DNAH9: variants seen among roughly 807,000 people sequenced by gnomAD.
DNAH9 encodes dynein axonemal heavy chain 9.
In DNAH9, 345 loss-of-function variants were observed where a neutral mutation model predicts 471.6. The ratio of observed to expected loss-of-function variants is 0.73; its 90% CI spans 0.67 to 0.80. The LOEUF (loss-of-function observed/expected upper bound fraction) is 0.80. Among genes scored for constraint, DNAH9 ranks in the 30% least tolerant of loss-of-function variants. DNAH9 has a pLI of 0.00. For missense variants in DNAH9, 5,407 were observed against 5,609.2 expected (o/e 0.96, Z 1.15); for synonymous variants, 2,093 against 2,123.6 (o/e 0.99, Z 0.40).
chr17:11,781,833 AAAAAAAAAAACAAAC>A (rs1411663342), intron 39 of DNAH9, among the ~76,000 whole-genome samples: 6 of 139,242 alleles, frequency 4.3e-5, no homozygotes, highest in African/African-American at 5.7e-5. Flanking sequence ...CTCCATCTTA[AAAAAAAAAAACAAAC>A]AAAAAAAAAA....
intron 66 of DNAH9, among the ~76,000 whole-genome samples, chr17:11,939,961 T>C (rs1383180374): frequency 2.0e-5 from 3 of 152,010 alleles, no homozygotes; most frequent in African/African-American, 7.2e-5. Flanking sequence ...GATAGAGGAA[T>C]AGAGTTATGT....
In DNAH9 at chr17:11,881,464, C is replaced by T. The variant is rs746643137; in HGVS notation, c.10806+51C>T. The T allele has an allele frequency of 3.2e-6, 5 of 1,560,950 alleles. No individual in the cohort carries two copies. The African/African-American group carries it at 6.8e-5, about 21-fold the overall frequency. ...CTGCCACTAGAGCCTGCAGTGTACT[C>T]CACTCTGGGAGAGGTTGCAGAGGGG... On this transcript the variant is annotated intron_variant, in intron 55 of 68. Transcript: ENST00000262442.
intron 1 of DNAH9, among the ~76,000 whole-genome samples, chr17:11,600,869 A>G (rs1339593112): frequency 2.6e-5 from 4 of 152,220 alleles, no homozygotes; most frequent in Non-Finnish European, 5.9e-5. Context: ...TGTAGAGTAC[A>G]ATATTGTCAA....
At chr17:11,751,406 T>A (rs574733586) in intron 32 of DNAH9, among the ~76,000 whole-genome samples, 60 of 152,112 alleles carry the variant, frequency 3.9e-4, no homozygotes, top group African/African-American at 1.4e-3. Flanking sequence ...AATAATACCC[T>A]TTGACCAAGT....
intron 27 of DNAH9, among the ~76,000 whole-genome samples, chr17:11,719,933 G>A (rs972371424): frequency 3.3e-5 from 5 of 152,074 alleles, no homozygotes; most frequent in African/African-American, 9.7e-5. Flanking sequence ...CTGTAGAAGT[G>A]GACATTCCCC....
At chr17:11,674,101 C>G (rs2074014159) in intron 17 of DNAH9, among the ~76,000 whole-genome samples, 1 of 152,194 alleles carries the variant, frequency 6.6e-6, no homozygotes, top group Admixed American at 6.5e-5. Context: ...CACAATGTAT[C>G]TGTCCATTCC....
chr17:11,937,991 T>A lies in DNAH9; in HGVS notation c.12660+469T>A, dbSNP rs551443304. On this transcript the variant is annotated intron_variant, in intron 66 of 68. Transcript: ENST00000262442. The surrounding 1 kb of genome is among the most constrained non-coding windows in gnomAD (Gnocchi z 4.1). ...ATAATGCAAACGCCTTCCCTTCGTG[T>A]GAATGGCTTCTAGTCCGAGAGTCTC... Among the ~76,000 whole-genome samples, 9 of 152,312 alleles carry A rather than the reference T, an allele frequency of 5.9e-5. No homozygotes were observed. Among genetic ancestry groups the A allele is most frequent in the African/African-American group, 2.2e-4 (9 of 41,570 alleles).
At chr17:11,681,046 T>C (rs1411994137) in intron 19 of DNAH9, among the ~76,000 whole-genome samples, 157 bp downstream of exon 19, 1 of 152,204 alleles carries the variant, frequency 6.6e-6, no homozygotes, top group African/African-American at 2.4e-5. Context: ...GTGGTGCTAA[T>C]GTGGACTGAA....
chr17:11,625,167 C>T (rs1171290114), intron 6 of DNAH9, among the ~76,000 whole-genome samples: 1 of 152,140 alleles, frequency 6.6e-6, no homozygotes, highest in Non-Finnish European at 1.5e-5. Flanking sequence ...CCTGCAGCCT[C>T]TTCCCTCCAA....
At chr17:11,644,574 G>T in intron 10 of DNAH9, 57 bp from the exon 11 acceptor site, 1 of 1,318,634 alleles carries the variant, frequency 7.6e-7, no homozygotes, top group Non-Finnish European at 1.1e-6. Flanking sequence ...TTGTTCCTCG[G>T]ATTATTACTT....
chr17:11,832,467 C>G (rs963939407), intron 48 of DNAH9, among the ~76,000 whole-genome samples: 1 of 152,162 alleles, frequency 6.6e-6, no homozygotes, highest in Non-Finnish European at 1.5e-5. Context: ...GCATCTTTGT[C>G]CCTGTAGAAA....
Position 11,864,509 on chromosome 17 carries a change from G to A in DNAH9, c.9934-4625G>A, listed in dbSNP as rs1036728183. On this transcript the variant is annotated intron_variant, in intron 50 of 68. Transcript: ENST00000262442. ...AAAATGTATATTCTGTTGATTTGGG[G>A]TGGAGAGTTCTGTAGATGTCTATTA... Among the ~76,000 whole-genome samples the A allele has an allele frequency of 6.5e-3, 988 of 150,982 alleles. 10 individuals carry two copies. The highest frequency in any genetic ancestry group is 0.021 in the African/African-American group (883 of 41,300).
intron 1 of DNAH9, among the ~76,000 whole-genome samples, chr17:11,604,062 A>T (rs921119752): frequency 1.4e-5 from 2 of 147,860 alleles, no homozygotes; most frequent in African/African-American, 5.0e-5. Context: ...TCGCACTGTC[A>T]CCCAGGCTGG....
chr17:11,827,408 A>G (rs752146963), intron 48 of DNAH9, among the ~76,000 whole-genome samples: 1 of 152,212 alleles, frequency 6.6e-6, no homozygotes, highest in Non-Finnish European at 1.5e-5. Context: ...AGGAGGACCA[A>G]GTATCTCACA....
chr17:11,720,207 C>CT (rs1329570520), intron 27 of DNAH9, among the ~76,000 whole-genome samples: 28 of 149,688 alleles, frequency 1.9e-4, no homozygotes, highest in Non-Finnish European at 3.9e-4. Context: ...TTCTTTTTTT[C>CT]TTTTTTTTCT....
chr17:11,698,206 A>T (rs8072564), intron 22 of DNAH9, among the ~76,000 whole-genome samples: 92,246 of 122,888 alleles, frequency 0.75, 35,612 homozygotes, highest in East Asian at 0.88. Context: ...TAATATATTA[A>T]TAATATAATT....
At chr17:11,654,355 C>CAAAAAAAAAAAAAA (rs527835262) in intron 14 of DNAH9, among the ~76,000 whole-genome samples, 253 of 11,222 alleles carry the variant, frequency 0.023, 32 homozygotes, top group East Asian at 0.035. Flanking sequence ...GACTCCGTCT[C>CAAAAAAAAAAAAAA]AAAAAAAAAA....
At chr17:11,646,061 T>A (rs9890927) in intron 11 of DNAH9, among the ~76,000 whole-genome samples, 2 of 151,652 alleles carry the variant, frequency 1.3e-5, no homozygotes. Context: ...TTGTATTTTT[T>A]GTAGAGACAG....
Position 11,640,374 on chromosome 17 carries a change from A to G in DNAH9, c.1891A>G (p.Ile631Val), listed in dbSNP as rs754259786. 2.5e-6 allele frequency: 4 copies of G among 1,607,136 alleles called. No homozygotes were observed. The African/African-American group carries it at 4.0e-5, about 16-fold the overall frequency. Residue 631 changes from isoleucine (I) to valine (V), a missense_variant, in exon 10 of 69, where the codon ATC becomes GTC. Transcript: ENST00000262442. ...IQGPFSNFGRITHPCMESAEG... is the reference protein window; with the variant it reads ...IQGPFSNFGRVTHPCMESAEG... ...GGGTCCTTTCAGCAACTTTGGACGC[A>G]TCACACACCCGTGAGTATTGTGTTC...
Sources: gnomAD v4.1 joint callset for allele counts (sites outside exome capture counted in the v4.1 genomes callset) on GRCh38, gnomAD v4.1.1 for gene constraint, Gnocchi (gnomAD v3.1) non-coding constraint, MANE v1.5 for transcripts, NCBI Gene and HGNC (gene_info 2026-07-23, HGNC 2026-07-21) for gene names.